Variants in CRPPA observed in about 807,000 individuals in gnomAD.
CRPPA encodes the protein CDP-L-ribitol pyrophosphorylase A.
In CRPPA, 43 loss-of-function variants were observed where a neutral mutation model predicts 52.0. That is an observed-to-expected ratio of 0.83 (90% confidence interval 0.65 to 1.07). The LOEUF (loss-of-function observed/expected upper bound fraction) is 1.07, where lower values mean the gene tolerates loss of function less well. CRPPA is among the 50% of genes least tolerant of loss of function. The pLI is 0.00. For missense variants in CRPPA, 629 were observed against 551.7 expected, an observed-to-expected ratio of 1.14 and a Z score of -1.40; for synonymous variants, 250 against 203.5, an observed-to-expected ratio of 1.23 and a Z score of -1.94.
chr7:16,340,063 A>G (rs113804031), intron 3 of CRPPA, among the ~76,000 whole-genome samples: 67 of 152,252 alleles, frequency 4.4e-4, no homozygotes, highest in African/African-American at 1.5e-3. Flanking sequence ...GCAAAAAATA[A>G]AAGTCTAGAA....
At chr7:16,209,003 C>A in intron 9 of CRPPA, 1 of 424,322 alleles carries the variant, frequency 2.4e-6, no homozygotes, top group Non-Finnish European at 4.7e-6. Context: ...AAGCACCAAC[C>A]CCATGAAGTG....
chr7:16,121,615 A>G (rs183915560), intron 9 of CRPPA, among the ~76,000 whole-genome samples: 45 of 152,202 alleles, frequency 3.0e-4, no homozygotes, highest in Admixed American at 2.9e-3. Context: ...AGACTTCGTA[A>G]AACAGATGTA....
chr7:16,420,741 C>T (rs1788310329), intron 1 of CRPPA, among the ~76,000 whole-genome samples: 1 of 152,180 alleles, frequency 6.6e-6, no homozygotes, highest in African/African-American at 2.4e-5. Context: ...CACAGCTTCT[C>T]CTCAGGCCCC....
At chr7:16,247,490 C>T (rs191766355) in intron 8 of CRPPA, among the ~76,000 whole-genome samples, 39 of 152,268 alleles carry the variant, frequency 2.6e-4, no homozygotes, top group African/African-American at 8.9e-4. Flanking sequence ...CCACCTTATA[C>T]AGATATGATT....
intron 5 of CRPPA, among the ~76,000 whole-genome samples, chr7:16,288,868 A>AAAAAAAAAAC (rs1286879372): frequency 6.8e-6 from 1 of 147,808 alleles, no homozygotes; most frequent in East Asian, 1.9e-4. Context: ...AAAAAAAAAA[A>AAAAAAAAAAC]ATCCCCAAAA....
At position 16,089,426 on chromosome 7, in the gene CRPPA, T is replaced by C. The variant is rs922039949; in HGVS notation, c.*2269A>G. Reference sequence around the variant, plus strand: ...ATGTGTATATATGTACGTACATACATATATGTGTATATATGTACGTGCATA... The same window carrying C: ...ATGTGTATATATGTACGTACATACACATATGTGTATATATGTACGTGCATA... On this transcript the variant is annotated 3_prime_UTR_variant, in exon 10 of 10. Transcript: ENST00000407010. The C allele has an allele frequency of 1.2e-5, 4 of 334,058 alleles. No individual in the cohort carries two copies. The highest frequency in any genetic ancestry group is 2.1e-5 in the African/African-American group (1 of 47,658). The allele number at this position is 334,058 out of a possible 1,614,324, so 20.7% of individuals were successfully genotyped here. A position where few individuals can be genotyped will look rare whatever the true frequency, so the allele number is the denominator to read the frequency against.
At position 16,420,633 on chromosome 7, in the gene CRPPA, T is replaced by C. The variant is rs6944511; in HGVS notation, c.257+433A>G. Among the ~76,000 whole-genome samples the C allele has an allele frequency of 3.0e-3, 458 of 152,194 alleles. 2 individuals carry two copies. The highest frequency in any genetic ancestry group is 0.01 in the African/African-American group (416 of 41,524). On this transcript the variant is annotated intron_variant, in intron 1 of 9. Transcript: ENST00000407010. ...TCACAGAAGGTGCTCAGTAAATGAA[T>C]GAAAAAAACGAACACACGCCCTGGA...
intron 9 of CRPPA, among the ~76,000 whole-genome samples, chr7:16,160,835 C>A (rs182785338): frequency 6.6e-6 from 1 of 152,138 alleles, no homozygotes; most frequent in Non-Finnish European, 1.5e-5. Context: ...CCTCTCATTT[C>A]TTTGAGCAGT....
intron 4 of CRPPA, among the ~76,000 whole-genome samples, chr7:16,307,413 G>A (rs1471317033): frequency 6.6e-6 from 1 of 152,000 alleles, no homozygotes; most frequent in Non-Finnish European, 1.5e-5. Flanking sequence ...CAGGTGTGGT[G>A]GCTCACACCT....
chr7:16,195,526 C>T (rs1293683880), intron 9 of CRPPA, among the ~76,000 whole-genome samples: 1 of 152,032 alleles, frequency 6.6e-6, no homozygotes, highest in East Asian at 1.9e-4. Flanking sequence ...CAGCTTCCCC[C>T]ATTTAGAAGT....
intron 9 of CRPPA, among the ~76,000 whole-genome samples, chr7:16,146,082 GTAGT>G (rs1315082716): frequency 6.6e-6 from 1 of 152,012 alleles, no homozygotes; most frequent in African/African-American, 2.4e-5. Context: ...AGAAAAGTGA[GTAGT>G]TAAATACAAA....
intron 2 of CRPPA, among the ~76,000 whole-genome samples, chr7:16,399,785 GCACGTGACCAA>G (rs1787749764): frequency 6.6e-6 from 1 of 152,030 alleles, no homozygotes; most frequent in South Asian, 2.1e-4. Context: ...GACATGCTTG[GCACGTGACCAA>G]CACGTGACTG....
intron 9 of CRPPA, among the ~76,000 whole-genome samples, chr7:16,184,693 A>G (rs928948001): frequency 2.6e-5 from 4 of 152,226 alleles, no homozygotes; most frequent in African/African-American, 9.6e-5. Flanking sequence ...ACAAAGGGAA[A>G]GTCCTACAGT....
At chr7:16,125,432 T>C (rs1782559468) in intron 9 of CRPPA, among the ~76,000 whole-genome samples, 1 of 152,122 alleles carries the variant, frequency 6.6e-6, no homozygotes. Flanking sequence ...ATACAATTTA[T>C]CTAAAAACAG....
At chr7:16,382,322 C>T (rs1157510427) in intron 2 of CRPPA, among the ~76,000 whole-genome samples, 1 of 152,216 alleles carries the variant, frequency 6.6e-6, no homozygotes, top group Non-Finnish European at 1.5e-5. Context: ...TATTGGCCCC[C>T]ACTCTCTTCT....
chr7:16,156,573 G>T (rs527461954), intron 9 of CRPPA, among the ~76,000 whole-genome samples: 1 of 152,208 alleles, frequency 6.6e-6, no homozygotes, highest in South Asian at 2.1e-4. Flanking sequence ...CATCTCAGAA[G>T]ATCAGAGAAA....
rs75172972 is a variant in CRPPA, at chr7:16,292,026, C to T, written c.835+9395G>A. Among the ~76,000 whole-genome samples the T allele has an allele frequency of 6.3e-3, 958 of 151,920 alleles. 16 individuals carry two copies. The highest frequency in any genetic ancestry group is 0.023 in the African/African-American group (942 of 41,496). ...ACGGTGGAAATGTACTTGTTACATG[C>T]CTCCCTAATCACGCAACATAATTCT... On this transcript the variant is annotated intron_variant, in intron 5 of 9. Transcript: ENST00000407010.
At chr7:16,184,100 C>A (rs1307999444) in intron 9 of CRPPA, among the ~76,000 whole-genome samples, 1 of 151,972 alleles carries the variant, frequency 6.6e-6, no homozygotes, top group African/African-American at 2.4e-5. Flanking sequence ...CACCACCACG[C>A]CCCGCTAATT....
chr7:16,176,163 T>C (rs17169307), intron 9 of CRPPA, among the ~76,000 whole-genome samples: 2,207 of 152,252 alleles, frequency 0.014, 54 homozygotes, highest in African/African-American at 0.051. Context: ...CAAAGCTACA[T>C]TGTATTAAGA....
Sources: gnomAD v4.1 joint callset for allele counts (sites outside exome capture counted in the v4.1 genomes callset) on GRCh38, gnomAD v4.1.1 for gene constraint, MANE v1.5 for transcripts, NCBI Gene and HGNC (gene_info 2026-07-23, HGNC 2026-07-21) for gene names.